The following NLGN4X variants were observed in gnomAD, a reference collection of about 807,000 sequenced individuals.
The protein encoded by NLGN4X is neuroligin 4 X-linked.
In NLGN4X, 3 loss-of-function variants were observed where a neutral mutation model predicts 40.3. The ratio of observed to expected loss-of-function variants is 0.07; its 90% confidence interval spans 0.03 to 0.19. The LOEUF is 0.19. NLGN4X is among the 10% of genes least tolerant of loss of function. NLGN4X has a pLI of 1.00. For missense variants in NLGN4X, 382 were observed against 708.3 expected, an observed-to-expected ratio of 0.54 and a Z score of 5.23; for synonymous variants, 270 against 306.8, an observed-to-expected ratio of 0.88 and a Z score of 1.25.
chrX:6,115,879 T>C (rs2039266817), intron 2 of NLGN4X, among the ~76,000 whole-genome samples: 1 of 111,552 alleles, frequency 9.0e-6, no homozygotes, highest in Non-Finnish European at 1.9e-5. Flanking sequence ...GTAAGCTTAA[T>C]AGGAAGACAC....
At chrX:6,095,343 C>T (rs1602221372) in intron 2 of NLGN4X, among the ~76,000 whole-genome samples, 1 of 111,411 alleles carries the variant, frequency 9.0e-6, no homozygotes, top group Admixed American at 9.6e-5. Flanking sequence ...ACAACAATGC[C>T]TCAAGCTGTG....
At chrX:6,060,409 C>G (rs995463953) in intron 2 of NLGN4X, among the ~76,000 whole-genome samples, 3 of 111,392 alleles carry the variant, frequency 2.7e-5, no homozygotes, top group Non-Finnish European at 3.8e-5. Context: ...CTGGTGAAAT[C>G]CACCTCCCCA....
At chrX:5,963,773 T>C (rs1189590305) in intron 3 of NLGN4X, among the ~76,000 whole-genome samples, 1 of 112,305 alleles carries the variant, frequency 8.9e-6, no homozygotes, top group African/African-American at 3.2e-5. Flanking sequence ...TGCAGAGATG[T>C]TCTCTTCACT....
chrX:6,151,362 C>A lies in NLGN4X; in HGVS notation c.105G>T (p.Lys35Asn), dbSNP rs398124363. The A allele has an allele frequency of 1.5e-5, 18 of 1,209,846 alleles. No homozygotes were observed. In the African/African-American group the frequency reaches 3.0e-4, roughly 20 times the overall value. ...VLLWLTALAIKFTLIDSQAQY... is the reference protein window; with the variant it reads ...VLLWLTALAINFTLIDSQAQY... ...GTGCTTGGCTGTCAATGAGGGTGAA[C>A]TTGATGGCAAGAGCAGTTAACCACA... Residue 35 changes from lysine (K) to asparagine (N), a missense_variant, in exon 2 of 6, where the codon AAG (lysine) becomes AAT (asparagine). This residue lies in a region of NLGN4X where 115 missense variants were observed against 149.6 expected (regional missense o/e 0.77). Transcript: ENST00000381095.
intron 3 of NLGN4X, among the ~76,000 whole-genome samples, chrX:5,969,795 C>T (rs1169684422): frequency 9.1e-6 from 1 of 110,443 alleles, no homozygotes; most frequent in Non-Finnish European, 1.9e-5. Flanking sequence ...CAATGATAGA[C>T]TGGATTAAGA....
At chrX:6,160,795 A>T (rs1164585151) in intron 1 of NLGN4X, among the ~76,000 whole-genome samples, 1 of 109,143 alleles carries the variant, frequency 9.2e-6, no homozygotes, top group Non-Finnish European at 1.9e-5. Context: ...TGCTGGGATT[A>T]CAGGCGTGAG....
intron 3 of NLGN4X, among the ~76,000 whole-genome samples, chrX:5,971,185 T>C (rs1226773815): frequency 3.6e-5 from 4 of 111,721 alleles, no homozygotes; most frequent in Non-Finnish European, 7.5e-5. Flanking sequence ...GAAAGGAATG[T>C]CACCCATGTT....
chrX:6,112,339 G>A (rs1382634144), intron 2 of NLGN4X, among the ~76,000 whole-genome samples: 1 of 110,522 alleles, frequency 9.0e-6, no homozygotes. Flanking sequence ...TATCCCTCAG[G>A]AATTTGAAAA....
chrX:5,931,982 T>C (rs993753680), intron 3 of NLGN4X, among the ~76,000 whole-genome samples: 2 of 111,408 alleles, frequency 1.8e-5, no homozygotes, highest in Non-Finnish European at 3.8e-5. Context: ...CTCCCTCCCA[T>C]CTTCTCTTCT....
chrX:5,965,229 G>A (rs1299064818), intron 3 of NLGN4X, among the ~76,000 whole-genome samples: 2 of 111,966 alleles, frequency 1.8e-5, no homozygotes, highest in African/African-American at 6.5e-5. Context: ...AATCAGGCAA[G>A]CACATGCAAG....
chrX:6,035,281 T>C (rs1298223277), intron 2 of NLGN4X, among the ~76,000 whole-genome samples: 1 of 111,689 alleles, frequency 9.0e-6, no homozygotes, highest in Non-Finnish European at 1.9e-5. Context: ...TTCTCAATAG[T>C]GCCTTTTGAA....
At chrX:6,066,331 T>C (rs186007309) in intron 2 of NLGN4X, among the ~76,000 whole-genome samples, 6 of 112,527 alleles carry the variant, frequency 5.3e-5, no homozygotes, top group Admixed American at 1.9e-4. Flanking sequence ...GCCCATCTTC[T>C]AGCCATACAG....
chrX:5,977,140 G>A (rs1048873496), intron 3 of NLGN4X, among the ~76,000 whole-genome samples: 1 of 112,546 alleles, frequency 8.9e-6, no homozygotes. Context: ...ATAAAAACAT[G>A]GTCAAAGTAG....
chrX:6,118,656 C>G (rs936952276), intron 2 of NLGN4X, among the ~76,000 whole-genome samples: 2 of 111,768 alleles, frequency 1.8e-5, no homozygotes, highest in South Asian at 3.8e-4. Context: ...CCTAAATATA[C>G]CCACAGATCC....
chrX:6,040,969 A>T (rs2037141446), intron 2 of NLGN4X, among the ~76,000 whole-genome samples: 3 of 111,238 alleles, frequency 2.7e-5, no homozygotes, highest in Non-Finnish European at 5.7e-5. Flanking sequence ...TTTAGTGGTC[A>T]CTCTCAGCCC....
intron 3 of NLGN4X, among the ~76,000 whole-genome samples, chrX:5,940,599 G>GAAA (rs5901304): frequency 3.3e-5 from 3 of 90,384 alleles, no homozygotes; most frequent in African/African-American, 8.3e-5. Context: ...CTATTCTCTA[G>GAAA]AAAAAAAAAA....
intron 2 of NLGN4X, among the ~76,000 whole-genome samples, chrX:6,119,962 T>TA (rs2039385266): frequency 9.0e-6 from 1 of 111,523 alleles, no homozygotes; most frequent in Non-Finnish European, 1.9e-5. Context: ...TTAATTAACC[T>TA]ACTGAAAAAA....
chrX:6,129,265 A>G (rs889013779), intron 2 of NLGN4X, among the ~76,000 whole-genome samples: 3 of 112,342 alleles, frequency 2.7e-5, no homozygotes, highest in African/African-American at 6.5e-5. Flanking sequence ...TGCTTTCTTC[A>G]GCAGCTTGGA....
intron 2 of NLGN4X, among the ~76,000 whole-genome samples, chrX:6,078,792 T>C (rs1602187735): frequency 8.9e-6 from 1 of 111,913 alleles, no homozygotes; most frequent in Admixed American, 9.5e-5. Context: ...TGATATGGTC[T>C]GGCTCTGTGT....
Sources: allele counts gnomAD v4.1 joint callset (sites outside exome capture counted in the v4.1 genomes callset), GRCh38; gene constraint gnomAD v4.1.1; regional missense constraint gnomAD v4.1.1; transcripts MANE v1.5; gene names NCBI Gene and HGNC (gene_info 2026-07-23, HGNC 2026-07-21).